CSMD1: variants seen among roughly 807,000 people sequenced by gnomAD.
CSMD1 encodes the protein CUB and sushi domain-containing protein 1.
CSMD1 carries 213 observed loss-of-function variants against 417.5 expected under a neutral mutation model. That is an observed-to-expected ratio of 0.51 (90% confidence interval 0.46 to 0.57). The LOEUF (loss-of-function observed/expected upper bound fraction) is 0.57. CSMD1 is among the 20% of genes least tolerant of loss of function. CSMD1 has a pLI of 0.00. For synonymous variants in CSMD1, 2,862 were observed against 1,736.8 expected (o/e 1.65, Z -16.11); for missense variants, 6,923 against 4,529.7 (o/e 1.53, Z -15.17).
chr8:3,555,414 G>A (rs1420908022), intron 10 of CSMD1, among the ~76,000 whole-genome samples: 1 of 152,234 alleles, frequency 6.6e-6, no homozygotes, highest in Non-Finnish European at 1.5e-5. Context: ...CATCCCACCT[G>A]CTCTTCCTGA....
chr8:3,134,102 T>C (rs1264402552), intron 41 of CSMD1, among the ~76,000 whole-genome samples: 4 of 151,726 alleles, frequency 2.6e-5, no homozygotes, highest in Non-Finnish European at 1.5e-5. Flanking sequence ...AACCAGGGAG[T>C]TAGAGGTTGC....
At chr8:4,840,607 A>G (rs1800786182) in intron 1 of CSMD1, among the ~76,000 whole-genome samples, 1 of 152,228 alleles carries the variant, frequency 6.6e-6, no homozygotes, top group Non-Finnish European at 1.5e-5. Context: ...ATAGCTTAAC[A>G]CAGCAGAATT....
intron 30 of CSMD1, among the ~76,000 whole-genome samples, chr8:3,213,632 GT>G (rs1563148938): frequency 1.3e-5 from 2 of 151,458 alleles, no homozygotes. Context: ...ATACATATTA[GT>G]TTTTTCTCTC....
At chr8:3,660,751 C>A (rs1207972601) in intron 7 of CSMD1, among the ~76,000 whole-genome samples, 2 of 151,962 alleles carry the variant, frequency 1.3e-5, no homozygotes, top group East Asian at 3.9e-4. Flanking sequence ...AAACTCCTGA[C>A]CTCAAATGAT....
intron 3 of CSMD1, among the ~76,000 whole-genome samples, chr8:4,143,930 T>C (rs894604164): frequency 6.6e-6 from 1 of 151,198 alleles, no homozygotes; most frequent in Admixed American, 6.6e-5. Flanking sequence ...TGGCCCGTGT[T>C]GCAGATGAAG....
At chr8:3,210,680 C>T (rs965984815) in intron 30 of CSMD1, among the ~76,000 whole-genome samples, 3 of 147,326 alleles carry the variant, frequency 2.0e-5, no homozygotes, top group Admixed American at 6.8e-5. Context: ...ATATACACAC[C>T]TATATATGTA....
intron 10 of CSMD1, among the ~76,000 whole-genome samples, chr8:3,536,137 G>A (rs552202888): frequency 4.6e-5 from 7 of 152,282 alleles, no homozygotes; most frequent in African/African-American, 9.6e-5. Context: ...TGTGATATCC[G>A]GATCATCAAC....
At chr8:2,952,059 T>A (rs11993031) in intron 65 of CSMD1, among the ~76,000 whole-genome samples, 64,606 of 152,074 alleles carry the variant, frequency 0.42, 14,431 homozygotes, top group Non-Finnish European at 0.5. Flanking sequence ...ATAAACTTAT[T>A]TTTCATGTGT....
intron 22 of CSMD1, among the ~76,000 whole-genome samples, chr8:3,346,202 CG>C (rs1347626223): frequency 7.9e-5 from 12 of 151,792 alleles, no homozygotes; most frequent in Non-Finnish European, 1.5e-5. Flanking sequence ...GTGAGAAGCA[CG>C]TTTTTTTAAA....
intron 3 of CSMD1, among the ~76,000 whole-genome samples, chr8:4,087,265 A>G (rs567555585): frequency 1.3e-5 from 2 of 152,138 alleles, no homozygotes; most frequent in Admixed American, 6.5e-5. Context: ...TCACAGTTCA[A>G]CTTCTCTTGC....
At chr8:4,558,723 G>A (rs1462935466) in intron 2 of CSMD1, among the ~76,000 whole-genome samples, 1 of 152,020 alleles carries the variant, frequency 6.6e-6, no homozygotes, top group Non-Finnish European at 1.5e-5. Flanking sequence ...AAAAAAATTA[G>A]CCCAGCATGG....
At chr8:4,839,951 A>C (rs1800739261) in intron 1 of CSMD1, among the ~76,000 whole-genome samples, 1 of 152,204 alleles carries the variant, frequency 6.6e-6, no homozygotes, top group Admixed American at 6.5e-5. Flanking sequence ...CCGGAGACCA[A>C]AAGTCTTCAG....
At chr8:4,569,123 G>T (rs1314566705) in intron 2 of CSMD1, among the ~76,000 whole-genome samples, 1 of 152,134 alleles carries the variant, frequency 6.6e-6, no homozygotes, top group Non-Finnish European at 1.5e-5. Context: ...TTGTTTGTTT[G>T]CTGTGCAGAA....
intron 1 of CSMD1, among the ~76,000 whole-genome samples, chr8:4,679,687 G>C (rs935594683): frequency 6.6e-6 from 1 of 151,434 alleles, no homozygotes; most frequent in African/African-American, 2.4e-5. Flanking sequence ...CTATCTACAA[G>C]AACCCAGACA....
At chr8:4,115,561 T>G (rs12164173) in intron 3 of CSMD1, among the ~76,000 whole-genome samples, 19,854 of 152,200 alleles carry the variant, frequency 0.13, 1,569 homozygotes, top group South Asian at 0.35. Flanking sequence ...AATTTATTAT[T>G]TGGCTAATAA....
intron 1 of CSMD1, among the ~76,000 whole-genome samples, chr8:4,825,917 G>A (rs191240955): frequency 1.3e-3 from 203 of 151,156 alleles, no homozygotes; most frequent in Non-Finnish European, 2.3e-3. Flanking sequence ...CCAAGAAAAT[G>A]CAGATCAAAA....
intron 1 of CSMD1, among the ~76,000 whole-genome samples, chr8:4,724,721 A>G (rs1254102440): frequency 6.6e-6 from 1 of 152,140 alleles, no homozygotes; most frequent in Admixed American, 6.6e-5. Context: ...TCTTGGTAAG[A>G]TTAATCAACG....
chr8:4,181,955 T>C (rs910029211), intron 3 of CSMD1, among the ~76,000 whole-genome samples: 2 of 34,410 alleles, frequency 5.8e-5, no homozygotes, highest in African/African-American at 9.5e-5. Flanking sequence ...TGTCTGTGTC[T>C]GCGTGTGTGT....
intron 1 of CSMD1, among the ~76,000 whole-genome samples, chr8:4,805,974 C>T (rs1798563186): frequency 6.6e-6 from 1 of 152,186 alleles, no homozygotes; most frequent in Non-Finnish European, 1.5e-5. Context: ...TTACCAAGGG[C>T]TTTTCTTTCT....
Sources: allele counts gnomAD v4.1 joint callset (sites outside exome capture counted in the v4.1 genomes callset), GRCh38; gene constraint gnomAD v4.1.1; transcripts MANE v1.5; gene names NCBI Gene and HGNC (gene_info 2026-07-23, HGNC 2026-07-21).